HCN1: variants seen among roughly 807,000 people sequenced by gnomAD.
HCN1 encodes potassium/sodium hyperpolarization-activated cyclic nucleotide-gated channel 1.
A neutral mutation model predicts 78.9 loss-of-function variants in HCN1; 13 were observed. That is an observed-to-expected ratio of 0.16 (90% CI 0.11 to 0.26). The LOEUF (loss-of-function observed/expected upper bound fraction) is 0.26, where lower values mean the gene tolerates loss of function less well. Ranked by LOEUF, HCN1 falls within the 10% of genes least tolerant of loss-of-function variation. The pLI is 1.00. For synonymous variants in HCN1, 552 were observed against 455.5 expected, an observed-to-expected ratio of 1.21 and a Z score of -2.70; for missense variants, 810 against 1,154.3, an observed-to-expected ratio of 0.70 and a Z score of 4.32.
chr5:45,659,113 G>C (rs937411578), intron 1 of HCN1, among the ~76,000 whole-genome samples: 27 of 152,112 alleles, frequency 1.8e-4, no homozygotes, highest in South Asian at 4.2e-4. Context: ...ATCTGAGAAC[G>C]GGCAGACTGC....
chr5:45,386,711 G>A (rs114486799), intron 4 of HCN1, among the ~76,000 whole-genome samples: 278 of 152,116 alleles, frequency 1.8e-3, no homozygotes, highest in African/African-American at 6.4e-3. Flanking sequence ...ATCTTCTCAC[G>A]TTAAAATAAA....
At chr5:45,604,812 C>G (rs1292702288) in intron 2 of HCN1, among the ~76,000 whole-genome samples, 2 of 151,884 alleles carry the variant, frequency 1.3e-5, no homozygotes, top group Non-Finnish European at 2.9e-5. Context: ...ATACTTAATT[C>G]ACAAATGTAA....
chr5:45,498,319 G>A (rs1039162021), intron 2 of HCN1, among the ~76,000 whole-genome samples: 5 of 151,862 alleles, frequency 3.3e-5, no homozygotes, highest in African/African-American at 4.8e-5. Context: ...TTCACTTCTC[G>A]CTTCATTTCA....
At chr5:45,565,191 C>G (rs966966215) in intron 2 of HCN1, among the ~76,000 whole-genome samples, 4 of 152,154 alleles carry the variant, frequency 2.6e-5, no homozygotes, top group African/African-American at 9.7e-5. Context: ...AATCTACACC[C>G]TATTCCCAAA....
chr5:45,619,656 C>T (rs538605914), intron 2 of HCN1, among the ~76,000 whole-genome samples: 2 of 151,982 alleles, frequency 1.3e-5, no homozygotes, highest in Admixed American at 6.6e-5. Flanking sequence ...AAAAAAATCA[C>T]CACTAGAATA....
At chr5:45,449,176 T>C (rs963854253) in intron 3 of HCN1, among the ~76,000 whole-genome samples, 2 of 152,206 alleles carry the variant, frequency 1.3e-5, no homozygotes, top group Non-Finnish European at 2.9e-5. Context: ...GAAGTAATTA[T>C]GATTATCATC....
chr5:45,453,362 TGAGGA>T (rs1159384366), intron 3 of HCN1, among the ~76,000 whole-genome samples: 2 of 152,096 alleles, frequency 1.3e-5, no homozygotes, highest in Admixed American at 6.6e-5. Context: ...CGTAAATATA[TGAGGA>T]GTTCAGAAAA....
intron 6 of HCN1, among the ~76,000 whole-genome samples, chr5:45,292,982 T>C (rs1745410523): frequency 6.6e-6 from 1 of 152,046 alleles, no homozygotes; most frequent in Non-Finnish European, 1.5e-5. Context: ...AATAATTCAA[T>C]AATAGGCTAA....
chr5:45,514,396 C>T (rs971856939), intron 2 of HCN1, among the ~76,000 whole-genome samples: 2 of 152,114 alleles, frequency 1.3e-5, no homozygotes, highest in Non-Finnish European at 2.9e-5. Flanking sequence ...TCTAATCCCA[C>T]AATCTGGCTG....
At chr5:45,444,840 TG>T (rs1740754279) in intron 3 of HCN1, among the ~76,000 whole-genome samples, 1 of 152,110 alleles carries the variant, frequency 6.6e-6, no homozygotes, top group Non-Finnish European at 1.5e-5. Flanking sequence ...TTAGGGTACA[TG>T]TGCACAATGT....
intron 2 of HCN1, among the ~76,000 whole-genome samples, chr5:45,467,881 T>C (rs77435426): frequency 2.4e-3 from 358 of 152,264 alleles, no homozygotes; most frequent in African/African-American, 8.1e-3. Flanking sequence ...GGTATTTTCC[T>C]AATTCTTTTT....
At chr5:45,501,384 A>C (rs1742181544) in intron 2 of HCN1, among the ~76,000 whole-genome samples, 1 of 152,136 alleles carries the variant, frequency 6.6e-6, no homozygotes, top group African/African-American at 2.4e-5. Context: ...ACATTAAAGT[A>C]CCTGAAAATT....
chr5:45,533,279 A>G (rs1742896924), intron 2 of HCN1, among the ~76,000 whole-genome samples: 1 of 152,208 alleles, frequency 6.6e-6, no homozygotes, highest in Non-Finnish European at 1.5e-5. Flanking sequence ...ACTCAAAAAT[A>G]TAATCAATCC....
chr5:45,654,133 C>T (rs1019975860), intron 1 of HCN1, among the ~76,000 whole-genome samples: 2 of 152,026 alleles, frequency 1.3e-5, no homozygotes, highest in Admixed American at 6.6e-5. Flanking sequence ...ATGAAGGCCA[C>T]AAGTTTCACT....
chr5:45,415,761 G>A (rs1366276358), intron 3 of HCN1, among the ~76,000 whole-genome samples: 1 of 152,014 alleles, frequency 6.6e-6, no homozygotes, highest in African/African-American at 2.4e-5. Flanking sequence ...TGTACCGTCT[G>A]TTTATTTGTT....
chr5:45,418,733 TA>T (rs1369395724), intron 3 of HCN1, among the ~76,000 whole-genome samples: 7 of 152,064 alleles, frequency 4.6e-5, no homozygotes, highest in Admixed American at 1.3e-4. Context: ...AAGCAAACAG[TA>T]TGCTTAAGGA....
chr5:45,502,239 G>T (rs553927026), intron 2 of HCN1, among the ~76,000 whole-genome samples: 1 of 151,622 alleles, frequency 6.6e-6, no homozygotes, highest in Non-Finnish European at 1.5e-5. Flanking sequence ...AGGCCGAGGC[G>T]GGCGGATCAT....
At chr5:45,372,860 A>G (rs1057422542) in intron 4 of HCN1, among the ~76,000 whole-genome samples, 2 of 143,992 alleles carry the variant, frequency 1.4e-5, no homozygotes, top group Admixed American at 1.4e-4. Context: ...TATTCTATAC[A>G]CAAAAATATG....
At chr5:45,548,920 C>T (rs1208290247) in intron 2 of HCN1, among the ~76,000 whole-genome samples, 3 of 151,180 alleles carry the variant, frequency 2.0e-5, no homozygotes, top group African/African-American at 4.9e-5. Flanking sequence ...AATAAAATAC[C>T]TAGGAATCCA....
Sources: gnomAD v4.1 joint callset for allele counts (sites outside exome capture counted in the v4.1 genomes callset) on GRCh38, gnomAD v4.1.1 for gene constraint, MANE v1.5 for transcripts, NCBI Gene and HGNC (gene_info 2026-07-23, HGNC 2026-07-21) for gene names.